Variants in ARHGEF38 observed in about 807,000 individuals in gnomAD.
ARHGEF38 encodes the protein Rho guanine nucleotide exchange factor 38, also known as Rho guanine nucleotide exchange factor (GEF) 38.
A neutral mutation model predicts 79.9 loss-of-function variants in ARHGEF38; 79 were observed. That is an observed-to-expected ratio of 0.99 (90% CI 0.82 to 1.19). The LOEUF (loss-of-function observed/expected upper bound fraction) is 1.19, where lower values mean the gene tolerates loss of function less well. ARHGEF38 is among the 50% of genes most tolerant of loss of function. The probability of loss-of-function intolerance (pLI) is 0.00; values close to 1 mark genes in which losing one functional copy is unlikely to be tolerated. For synonymous variants in ARHGEF38, 366 were observed against 328.3 expected (o/e 1.11, Z -1.24); for missense variants, 962 against 907.2 (o/e 1.06, Z -0.78).
chr4:105,594,692 T>C (rs1240318307), intron 2 of ARHGEF38, among the ~76,000 whole-genome samples: 1 of 152,232 alleles, frequency 6.6e-6, no homozygotes, highest in Non-Finnish European at 1.5e-5. Flanking sequence ...AAATGAGTGA[T>C]TAGATCTAGC....
intron 10 of ARHGEF38, among the ~76,000 whole-genome samples, chr4:105,661,172 A>G (rs1730547269): frequency 6.6e-6 from 1 of 152,166 alleles, no homozygotes; most frequent in Admixed American, 6.5e-5. Context: ...CATTCATTTT[A>G]TCGCCAAATA....
chr4:105,568,824 T>A (rs920714808), intron 1 of ARHGEF38, among the ~76,000 whole-genome samples: 9 of 152,184 alleles, frequency 5.9e-5, no homozygotes, highest in Middle Eastern at 3.2e-3. Context: ...GTTAGCAGCA[T>A]GAGAACAAAC....
At chr4:105,585,923 G>A (rs1047893213) in intron 1 of ARHGEF38, among the ~76,000 whole-genome samples, 2 of 151,626 alleles carry the variant, frequency 1.3e-5, no homozygotes, top group Non-Finnish European at 1.5e-5. Context: ...TAGAGATGGC[G>A]TTTCTCCATG....
At chr4:105,599,573 A>C (rs996602438) in intron 2 of ARHGEF38, among the ~76,000 whole-genome samples, 9 of 152,168 alleles carry the variant, frequency 5.9e-5, no homozygotes, top group Non-Finnish European at 1.2e-4. Context: ...AGAATAAGCG[A>C]CAAAATTTCA....
In ARHGEF38 at chr4:105,672,838, T is replaced by C. The variant is rs562971888; in HGVS notation, c.2149-4914T>C. Reference sequence around the variant, plus strand: ...TCGGACTAAGGACTCCTTTTTCTTGTTGGCAATTAGCCAGAGACCACTTTC... The same window carrying C: ...TCGGACTAAGGACTCCTTTTTCTTGCTGGCAATTAGCCAGAGACCACTTTC... On this transcript the variant is annotated intron_variant, in intron 13 of 13. Coordinates refer to ENST00000420470, the MANE Select transcript of ARHGEF38 (RefSeq NM_001242729.2). Among the ~76,000 whole-genome samples the C allele has an allele frequency of 2.0e-5, 3 of 152,352 alleles. No homozygotes were observed. In the South Asian group the frequency reaches 6.2e-4, roughly 32 times the overall value.
intron 13 of ARHGEF38, among the ~76,000 whole-genome samples, chr4:105,676,312 G>A (rs1731115261): frequency 6.6e-6 from 1 of 152,066 alleles, no homozygotes; most frequent in Non-Finnish European, 1.5e-5. Context: ...TGTCAGCTTT[G>A]TCATTTATGA....
At chr4:105,682,351 G>C (rs1487135877), downstream of ARHGEF38, 2 of 161,952 alleles carry the variant, frequency 1.2e-5, no homozygotes, top group Admixed American at 1.2e-4. Flanking sequence ...GAGGAAAATA[G>C]AAAACTATGT....
chr4:105,631,223 T>G, intron 4 of ARHGEF38, 178 bp downstream of exon 4: 1 of 1,255,276 alleles, frequency 8.0e-7, no homozygotes, highest in East Asian at 3.2e-5. Flanking sequence ...ATTGACTTTT[T>G]TTCCCCCTGC....
In ARHGEF38 at chr4:105,679,842, G is replaced by A; in HGVS notation, c.*1905G>A. 1 of 1,391,062 alleles carries A rather than the reference G, an allele frequency of 7.2e-7. No individual in the cohort carries two copies. The highest frequency in any genetic ancestry group is 1.0e-6 in the Non-Finnish European group (1 of 982,010). 86.2% of individuals were successfully genotyped at this position (1,391,062 alleles called of 1,614,324 possible). Reference sequence around the variant, plus strand: ...ATATAGGACTCAATATCCTGAGGAGGAGAACTTTGAATCACCAGGTCAACT... The same window carrying A: ...ATATAGGACTCAATATCCTGAGGAGAAGAACTTTGAATCACCAGGTCAACT... On this transcript the variant is annotated 3_prime_UTR_variant, in exon 14 of 14. Transcript: ENST00000420470.
Position 105,554,995 on chromosome 4 carries a change from G to A in ARHGEF38, c.196+2034G>A, listed in dbSNP as rs1471892284. On this transcript the variant is annotated intron_variant, in intron 1 of 13. Transcript: ENST00000420470. ...TCAGCATCTATCAGAGTCTCCATTA[G>A]CAAAATAAAAACAGAAAATAATTTT... Among the ~76,000 whole-genome samples the A allele has an allele frequency of 2.6e-5, 4 of 151,948 alleles. No homozygotes were observed. The East Asian group carries it at 7.7e-4, about 29-fold the overall frequency.
At chr4:105,583,490 C>G (rs933021749) in intron 1 of ARHGEF38, among the ~76,000 whole-genome samples, 1 of 152,104 alleles carries the variant, frequency 6.6e-6, no homozygotes, top group African/African-American at 2.4e-5. Flanking sequence ...TGCTAAAAAC[C>G]ACCTCTCCCA....
intron 1 of ARHGEF38, among the ~76,000 whole-genome samples, chr4:105,576,760 G>A (rs186166553): frequency 2.8e-4 from 43 of 152,154 alleles, no homozygotes; most frequent in Admixed American, 9.2e-4. Flanking sequence ...GTTCACAGGA[G>A]GAATTCTTTC....
intron 3 of ARHGEF38, among the ~76,000 whole-genome samples, chr4:105,627,360 T>C (rs1728989930): frequency 6.6e-6 from 1 of 152,124 alleles, no homozygotes; most frequent in African/African-American, 2.4e-5. Context: ...GGCCACCTGG[T>C]TTGGTGTGGC....
chr4:105,582,624 A>G (rs1726851784), intron 1 of ARHGEF38, among the ~76,000 whole-genome samples: 1 of 152,272 alleles, frequency 6.6e-6, no homozygotes, highest in East Asian at 1.9e-4. Flanking sequence ...ATTCTTTGAA[A>G]TGTTATAACT....
chr4:105,608,465 C>G (rs1329460675), intron 2 of ARHGEF38, among the ~76,000 whole-genome samples: 1 of 151,542 alleles, frequency 6.6e-6, no homozygotes, highest in Non-Finnish European at 1.5e-5. Context: ...TACATATATG[C>G]AGGGTACATG....
At chr4:105,649,219 A>G (rs1452424916) in intron 7 of ARHGEF38, among the ~76,000 whole-genome samples, 2 of 152,066 alleles carry the variant, frequency 1.3e-5, no homozygotes, top group Non-Finnish European at 1.5e-5. Context: ...ACATTATATT[A>G]GTGAGTAACA....
At chr4:105,625,096 A>G (rs541831278) in intron 3 of ARHGEF38, among the ~76,000 whole-genome samples, 2 of 152,356 alleles carry the variant, frequency 1.3e-5, no homozygotes, top group African/African-American at 4.8e-5. Context: ...TGAGATTTTA[A>G]CTAAAATTAT....
chr4:105,653,379 A>G (rs10030620), intron 7 of ARHGEF38, among the ~76,000 whole-genome samples: 38,994 of 150,310 alleles, frequency 0.26, 7,956 homozygotes, highest in African/African-American at 0.57. Flanking sequence ...TTGTAGTGCA[A>G]TGGCATGATC....
intron 10 of ARHGEF38, among the ~76,000 whole-genome samples, chr4:105,664,387 T>C (rs892800885): frequency 6.6e-6 from 1 of 152,244 alleles, no homozygotes; most frequent in Non-Finnish European, 1.5e-5. Context: ...TTTACCTTCA[T>C]ATTTAAAAAT....
Sources: allele counts gnomAD v4.1 joint callset (sites outside exome capture counted in the v4.1 genomes callset), GRCh38; gene constraint gnomAD v4.1.1; transcripts MANE v1.5; gene names NCBI Gene and HGNC (gene_info 2026-07-23, HGNC 2026-07-21).